FBP2: variants seen among roughly 807,000 people sequenced by gnomAD.
FBP2 encodes fructose-bisphosphatase 2, also known as fructose-1,6-bisphosphatase isozyme 2.
FBP2 carries 27 observed loss-of-function variants against 31.6 expected under a neutral mutation model. The observed-to-expected ratio is 0.85, with a 90% CI of 0.63 to 1.18. The LOEUF (loss-of-function observed/expected upper bound fraction) is 1.18, where lower values mean the gene tolerates loss of function less well. FBP2 is among the 50% of genes most tolerant of loss of function. FBP2 has a pLI of 0.00. For synonymous variants in FBP2, 168 were observed against 179.8 expected, an observed-to-expected ratio of 0.93 and a Z score of 0.53; for missense variants, 421 against 436.1, an observed-to-expected ratio of 0.97 and a Z score of 0.31.
intron 5 of FBP2, among the ~76,000 whole-genome samples, chr9:94,564,459 C>A (rs77855592): frequency 6.6e-6 from 1 of 152,102 alleles, no homozygotes; most frequent in African/African-American, 2.4e-5. Flanking sequence ...TACATATACA[C>A]AATGGAATAC....
At chr9:94,587,278 C>A in intron 2 of FBP2, 29 bp downstream of exon 2, 1 of 1,580,456 alleles carries the variant, frequency 6.3e-7, no homozygotes, top group Non-Finnish European at 8.6e-7. Flanking sequence ...CATCTACTGG[C>A]GAGCGGGCAC....
intron 3 of FBP2, among the ~76,000 whole-genome samples, chr9:94,576,238 GC>G (rs1159122474): frequency 6.6e-6 from 1 of 152,192 alleles, no homozygotes; most frequent in East Asian, 1.9e-4. Flanking sequence ...TCTCTTGCAT[GC>G]CCTCCTTAAT....
At chr9:94,590,713 G>T (rs903386493) in intron 1 of FBP2, among the ~76,000 whole-genome samples, 8 of 152,216 alleles carry the variant, frequency 5.3e-5, no homozygotes, top group African/African-American at 1.9e-4. Context: ...TCCACAGTGT[G>T]GAAAGAGACC....
chr9:94,563,286 G>A, intron 6 of FBP2, 56 bp downstream of exon 6: 1 of 1,590,400 alleles, frequency 6.3e-7, no homozygotes, highest in African/African-American at 1.3e-5. Context: ...TGTGACGGGA[G>A]GGAGCTCCCC....
At chr9:94,571,386 A>G in intron 4 of FBP2, 76 bp downstream of exon 4, 1 of 1,399,582 alleles carries the variant, frequency 7.1e-7, no homozygotes, top group Non-Finnish European at 9.6e-7. Flanking sequence ...CCAGGACATT[A>G]TCGCAGAGAA....
chr9:94,566,504 G>C (rs1396421908), intron 5 of FBP2, among the ~76,000 whole-genome samples: 1 of 152,186 alleles, frequency 6.6e-6, no homozygotes, highest in Non-Finnish European at 1.5e-5. Context: ...TTAGTTAATC[G>C]AATATCTATA....
chr9:94,579,272 C>T (rs1236071593), intron 3 of FBP2, among the ~76,000 whole-genome samples: 1 of 149,728 alleles, frequency 6.7e-6, no homozygotes, highest in Admixed American at 6.7e-5. Context: ...GTGCCGGGCG[C>T]CTGTAGTCCC....
chr9:94,568,532 T>C (rs1827226840), intron 4 of FBP2: 1 of 152,150 alleles, frequency 6.6e-6, no homozygotes, highest in South Asian at 2.1e-4. Flanking sequence ...ATGTCCAAGA[T>C]TTTGAGAGTG....
chr9:94,587,949 C>T (rs539489717), intron 1 of FBP2, among the ~76,000 whole-genome samples: 8 of 152,114 alleles, frequency 5.3e-5, no homozygotes, highest in Non-Finnish European at 2.9e-5. Flanking sequence ...CCTGGGCTCA[C>T]GCCGTTCTCC....
rs929186354 is a variant in FBP2, at chr9:94,558,826, T to C, written c.*112A>G. 2 of 988,492 alleles carry C rather than the reference T, an allele frequency of 2.0e-6. No homozygotes were observed. The allele number at this position is 988,492 out of a possible 1,614,324, so 61.2% of individuals were successfully genotyped here. A position where few individuals can be genotyped will look rare whatever the true frequency, so the allele number is the denominator to read the frequency against. ...TTGTTGTTGCTCTTCTGTATGTGAT[T>C]AAGTGGATTTACCTTTTGTATACTC... On this transcript the variant is annotated 3_prime_UTR_variant, in exon 7 of 7. Coordinates refer to ENST00000375337, the MANE Select transcript of FBP2 (RefSeq NM_003837.4).
chr9:94,571,449 A>G lies in FBP2; in HGVS notation c.567+13T>C. The stretch of plus-strand genomic sequence containing the variant: ...AGTCCCCAGGCACAGATGATGCCAT[A>G]TTCTGTACCTACCGGGTCAAGCATG... On this transcript the variant is annotated intron_variant, in intron 4 of 6. Coordinates refer to ENST00000375337, the MANE Select transcript of FBP2 (RefSeq NM_003837.4). 6.2e-7 allele frequency: 1 copy of G among 1,604,584 alleles called. No individual in the cohort carries two copies. Among genetic ancestry groups the G allele is most frequent in the Non-Finnish European group, 8.5e-7 (1 of 1,175,576 alleles).
At chr9:94,581,924 G>A (rs1374960969) in intron 3 of FBP2, among the ~76,000 whole-genome samples, 5 of 137,262 alleles carry the variant, frequency 3.6e-5, no homozygotes, top group African/African-American at 1.1e-4. Flanking sequence ...CTAAGGCCAC[G>A]CCAGGCAAGG....
At chr9:94,584,303 C>T (rs1440446954) in intron 3 of FBP2, among the ~76,000 whole-genome samples, 1 of 152,212 alleles carries the variant, frequency 6.6e-6, no homozygotes, top group Non-Finnish European at 1.5e-5. Context: ...CCATGTCTGA[C>T]ATTTGTGTTG....
intron 3 of FBP2, among the ~76,000 whole-genome samples, chr9:94,581,136 T>C (rs1029580128): frequency 2.0e-5 from 3 of 152,260 alleles, no homozygotes; most frequent in Non-Finnish European, 4.4e-5. Context: ...GGGCTTATGA[T>C]ACTTTAAAAC....
intron 3 of FBP2, among the ~76,000 whole-genome samples, chr9:94,575,885 C>T (rs1827310225): frequency 6.6e-6 from 1 of 152,172 alleles, no homozygotes; most frequent in Admixed American, 6.5e-5. Flanking sequence ...TATTTTAAAA[C>T]ATTTTTCCCT....
At chr9:94,562,883 T>G (rs995771561) in intron 6 of FBP2, among the ~76,000 whole-genome samples, 1 of 152,226 alleles carries the variant, frequency 6.6e-6, no homozygotes, top group African/African-American at 2.4e-5. Flanking sequence ...TAGGGGATAC[T>G]TGGGCGGACT....
At position 94,561,389 on chromosome 9, in the gene FBP2, A is replaced by G. The variant is rs1262525011; in HGVS notation, c.825+1953T>C. ...TTTTTTTTTTTTTTTTTGAGATGGA[A>G]TCTCACTCTGTCACCCAGGCTGGAG... is the stretch of plus-strand genomic sequence containing the variant. On this transcript the variant is annotated intron_variant, in intron 6 of 6. Coordinates refer to ENST00000375337, the MANE Select transcript of FBP2 (RefSeq NM_003837.4). 3.2e-4 allele frequency among the ~76,000 whole-genome samples: 30 copies of G among 94,500 alleles called. No homozygotes were observed. In the Admixed American group the frequency reaches 5.1e-3, roughly 16 times the overall value. The allele number at this position is 94,500 out of a possible 152,430, so 62.0% of individuals were successfully genotyped here.
At chr9:94,563,633 GCTC>G (rs1334842429) in intron 5 of FBP2, among the ~76,000 whole-genome samples, 172 bp from the exon 6 acceptor site, 4 of 152,170 alleles carry the variant, frequency 2.6e-5, no homozygotes, top group Non-Finnish European at 5.9e-5. Flanking sequence ...TTTATTATGA[GCTC>G]CTCAAACCTT....
Position 94,559,106 on chromosome 9 carries a change from G to C in FBP2, c.852C>G (p.Pro284=), listed in dbSNP as rs201610582. The C allele has an allele frequency of 1.9e-6, 3 of 1,613,154 alleles. No individual in the cohort carries two copies. Among genetic ancestry groups the C allele is most frequent in the Admixed American group, 3.3e-5 (2 of 59,992 alleles). The part of the protein sequence containing the change: ...GKLRLLYECN[P]VAYIIEQAGG... ...CTGCCTGCTCAATGATGTAGGCCAC[G>C]GGATTGCATTCATACAGGAGCCGGA... The change falls in exon 7 of 7, where the codon CCC becomes CCG. Residue 284 remains proline, a synonymous_variant. Transcript: ENST00000375337.
Sources: allele counts gnomAD v4.1 joint callset (sites outside exome capture counted in the v4.1 genomes callset), GRCh38; gene constraint gnomAD v4.1.1; transcripts MANE v1.5; gene names NCBI Gene and HGNC (gene_info 2026-07-23, HGNC 2026-07-21).